The following NR6A1 variants were observed in gnomAD, a reference collection of about 807,000 sequenced individuals.
The protein encoded by NR6A1 is retinoic acid receptor-related testis-associated receptor.
A neutral mutation model predicts 59.1 loss-of-function variants in NR6A1; 7 were observed. The observed-to-expected ratio is 0.12, with a 90% CI of 0.07 to 0.22. The LOEUF (loss-of-function observed/expected upper bound fraction) is 0.22. Among genes scored for constraint, NR6A1 ranks in the 10% least tolerant of loss-of-function variants. NR6A1 has a pLI of 1.00. For synonymous variants in NR6A1, 243 were observed against 236.1 expected (o/e 1.03, Z -0.27); for missense variants, 468 against 611.6 (o/e 0.77, Z 2.48).
At chr9:124,690,092 T>G (rs956938456) in intron 2 of NR6A1, among the ~76,000 whole-genome samples, 1 of 152,182 alleles carries the variant, frequency 6.6e-6, no homozygotes, top group Non-Finnish European at 1.5e-5. Context: ...TAAGAATTTA[T>G]CCTCACGGCT....
chr9:124,714,006 A>T (rs1157850532), intron 2 of NR6A1, among the ~76,000 whole-genome samples: 1 of 152,230 alleles, frequency 6.6e-6, no homozygotes, highest in Non-Finnish European at 1.5e-5. Context: ...GTCCATCAAT[A>T]GGTGAATGGA....
At chr9:124,666,563 G>A (rs1346046593) in intron 2 of NR6A1, among the ~76,000 whole-genome samples, 1 of 152,194 alleles carries the variant, frequency 6.6e-6, no homozygotes. Context: ...ACAAGCATGA[G>A]CAACCATGCC....
At chr9:124,738,745 C>T (rs1840086826) in intron 1 of NR6A1, among the ~76,000 whole-genome samples, 1 of 152,066 alleles carries the variant, frequency 6.6e-6, no homozygotes, top group South Asian at 2.1e-4. Context: ...CGGCTCACAC[C>T]TGTAATCCCA....
At chr9:124,525,699 C>CTATA (rs548256064) in intron 8 of NR6A1, among the ~76,000 whole-genome samples, 62 of 147,242 alleles carry the variant, frequency 4.2e-4, no homozygotes, top group African/African-American at 1.4e-3. Context: ...CTCTCTCTCT[C>CTATA]TATATATATA....
chr9:124,570,453 C>CT (rs1834407692), intron 2 of NR6A1, among the ~76,000 whole-genome samples: 1 of 152,118 alleles, frequency 6.6e-6, no homozygotes, highest in South Asian at 2.1e-4. Flanking sequence ...CTGTGTAGGC[C>CT]TAGAAACAAA....
chr9:124,601,575 C>T (rs1218832487), intron 2 of NR6A1, among the ~76,000 whole-genome samples: 1 of 113,762 alleles, frequency 8.8e-6, no homozygotes, highest in Non-Finnish European at 1.7e-5. Context: ...CAGAGGGAGA[C>T]TCTGTGTCAA....
intron 9 of NR6A1, among the ~76,000 whole-genome samples, chr9:124,523,851 G>T (rs1258528670): frequency 2.6e-5 from 4 of 152,098 alleles, no homozygotes; most frequent in African/African-American, 9.7e-5. Context: ...TTAAAAAACT[G>T]TATTGCTGAA....
chr9:124,570,090 A>G lies in NR6A1; in HGVS notation c.143-15520T>C, dbSNP rs140436307. 2.9e-3 allele frequency among the ~76,000 whole-genome samples: 436 copies of G among 152,364 alleles called. 2 individuals carry two copies. Among genetic ancestry groups the G allele is most frequent in the Non-Finnish European group, 4.2e-3 (289 of 68,034 alleles). ...GTTCCTAAGCAGATAGCTACAGATA[A>G]AATGTTACCTATCTCCATGGGCAGC... On this transcript the variant is annotated intron_variant, in intron 2 of 9. Coordinates refer to ENST00000487099, the MANE Select transcript of NR6A1 (RefSeq NM_033334.4).
intron 2 of NR6A1, among the ~76,000 whole-genome samples, chr9:124,601,858 G>A (rs1266326618): frequency 6.6e-6 from 1 of 151,768 alleles, no homozygotes; most frequent in Admixed American, 6.6e-5. Flanking sequence ...CCTAGCTGAG[G>A]TGGGAGGGTT....
rs1463564271 is a variant in NR6A1 at position 124,771,095 on chromosome 9, T to G, written c.25A>C (p.Ser9Arg). The G allele has an allele frequency of 1.6e-6, 2 of 1,229,706 alleles. No individual in the cohort carries two copies. The highest frequency in any genetic ancestry group is 2.0e-6 in the Non-Finnish European group (2 of 986,492). The allele number at this position is 1,229,706 out of a possible 1,614,324, so 76.2% of individuals were successfully genotyped here. A position where few individuals can be genotyped will look rare whatever the true frequency, so the allele number is the denominator to read the frequency against. The change falls in exon 1 of 10, where the codon AGC becomes CGC. Residue 9 changes from serine (S) to arginine (R), a missense_variant. Physicochemically the swap from Ser to Arg is moderately radical, Grantham distance 110 (BLOSUM62 -1). Around this residue, in one of 4 missense-constraint regions of NR6A1, gnomAD observed 75 missense variants for 65.6 expected, o/e 1.14. Coordinates refer to ENST00000487099, the MANE Select transcript of NR6A1 (RefSeq NM_033334.4). MERDEPPP[S>R]GGGGGGGSAG... ...GAGCCCCCGCCGCCTCCCCCTCCGC[T>G]AGGCGGCGGTTCGTCCCGCTCCATG...
At chr9:124,555,229 G>A (rs950049795) in intron 2 of NR6A1, among the ~76,000 whole-genome samples, 2 of 152,278 alleles carry the variant, frequency 1.3e-5, no homozygotes, top group South Asian at 4.1e-4. Flanking sequence ...AGGAAATTCA[G>A]GATAGAATAT....
chr9:124,621,222 T>C (rs191989826), intron 2 of NR6A1, among the ~76,000 whole-genome samples: 1 of 152,230 alleles, frequency 6.6e-6, no homozygotes, highest in Non-Finnish European at 1.5e-5. Context: ...AAATCTGACA[T>C]AAAACATGCT....
intron 2 of NR6A1, among the ~76,000 whole-genome samples, chr9:124,661,347 G>T (rs1353857033): frequency 6.6e-6 from 1 of 152,178 alleles, no homozygotes; most frequent in Non-Finnish European, 1.5e-5. Flanking sequence ...ACAGTACATG[G>T]ATTCTTGTCC....
intron 2 of NR6A1, among the ~76,000 whole-genome samples, chr9:124,726,281 A>G (rs1839715815): frequency 6.6e-6 from 1 of 152,164 alleles, no homozygotes; most frequent in African/African-American, 2.4e-5. Context: ...CCTTTGAAAA[A>G]GCCACTAGTT....
chr9:124,538,195 G>T lies in NR6A1; in HGVS notation c.721C>A (p.Gln241Lys). The change falls in exon 6 of 10, where the codon CAA becomes AAA. Residue 241 changes from glutamine (Q) to lysine (K), a missense_variant. Physicochemically the swap from Gln to Lys is moderately conservative, Grantham distance 53. Transcript: ENST00000487099. ...TGGGGATCCAGGCTGCGAGCTTGTT[G>T]GGGCAGAAGTGGTGAGTGGCCAGAA... The part of the protein sequence containing the change: ...SYSGHSPLLP[Q>K]QARSLDPQSY... The T allele has an allele frequency of 6.2e-7, 1 of 1,614,202 alleles. No homozygotes were observed. The highest frequency in any genetic ancestry group is 8.5e-7 in the Non-Finnish European group (1 of 1,180,044).
At chr9:124,719,231 CAT>C (rs930513300) in intron 2 of NR6A1, among the ~76,000 whole-genome samples, 2 of 151,802 alleles carry the variant, frequency 1.3e-5, no homozygotes, top group Non-Finnish European at 2.9e-5. Context: ...GGACTACAGA[CAT>C]GTGCCGCCAC....
chr9:124,687,674 ACCTT>A (rs1838380398), intron 2 of NR6A1, among the ~76,000 whole-genome samples: 1 of 152,200 alleles, frequency 6.6e-6, no homozygotes, highest in Non-Finnish European at 1.5e-5. Context: ...TATGACCAGT[ACCTT>A]AAAACAACAC....
intron 2 of NR6A1, among the ~76,000 whole-genome samples, chr9:124,591,308 C>T (rs113016129): frequency 6.6e-6 from 1 of 152,290 alleles, no homozygotes; most frequent in Non-Finnish European, 1.5e-5. Flanking sequence ...CCATAGCGGT[C>T]CTGTGAGATA....
At chr9:124,661,130 C>T (rs1837420397) in intron 2 of NR6A1, among the ~76,000 whole-genome samples, 1 of 151,466 alleles carries the variant, frequency 6.6e-6, no homozygotes, top group Non-Finnish European at 1.5e-5. Context: ...TTGTATTTTC[C>T]AAAACAAAGA....
Sources: allele counts gnomAD v4.1 joint callset (sites outside exome capture counted in the v4.1 genomes callset), GRCh38; gene constraint gnomAD v4.1.1; regional missense constraint gnomAD v4.1.1; transcripts MANE v1.5; gene names NCBI Gene and HGNC (gene_info 2026-07-23, HGNC 2026-07-21).